MGA: variants seen among roughly 807,000 people sequenced by gnomAD.
The protein encoded by MGA is MAX dimerization protein MGA, also known as MAX gene-associated protein.
In MGA, 40 loss-of-function variants were observed where a neutral mutation model predicts 261.1. That is an observed-to-expected ratio of 0.15 (90% CI 0.12 to 0.20). The LOEUF (loss-of-function observed/expected upper bound fraction) is 0.20, where lower values mean the gene tolerates loss of function less well. Among genes scored for constraint, MGA ranks in the 10% least tolerant of loss-of-function variants. The pLI is 1.00. For missense variants in MGA, 3,397 were observed against 3,630.5 expected (o/e 0.94, Z 1.65); for synonymous variants, 1,302 against 1,290.6 (o/e 1.01, Z -0.19).
intron 2 of MGA, among the ~76,000 whole-genome samples, chr15:41,693,951 A>G (rs2059418021): frequency 6.6e-6 from 1 of 152,164 alleles, no homozygotes; most frequent in African/African-American, 2.4e-5. Flanking sequence ...CCCTCAAATC[A>G]CTGCCTTGCA....
At chr15:41,690,368 C>T (rs771669277) in intron 2 of MGA, among the ~76,000 whole-genome samples, 9 of 152,124 alleles carry the variant, frequency 5.9e-5, no homozygotes, top group South Asian at 4.1e-4. Flanking sequence ...TTGGCTGTTA[C>T]GAATAATGTT....
chr15:41,674,360 T>C (rs1037695881), intron 2 of MGA, among the ~76,000 whole-genome samples: 2 of 151,224 alleles, frequency 1.3e-5, no homozygotes, highest in Non-Finnish European at 2.9e-5. Flanking sequence ...CATGCCCGAC[T>C]AATTTTTTTG....
intron 1 of MGA, among the ~76,000 whole-genome samples, chr15:41,642,546 C>A (rs1360157364): frequency 6.6e-6 from 1 of 151,292 alleles, no homozygotes; most frequent in African/African-American, 2.4e-5. Flanking sequence ...TGCAGTGGTG[C>A]GATCTCAGCT....
chr15:41,650,610 G>T (rs1225262468), intron 1 of MGA, among the ~76,000 whole-genome samples: 1 of 151,850 alleles, frequency 6.6e-6, no homozygotes, highest in African/African-American at 2.4e-5. Context: ...GCCAACTTTT[G>T]TATTTTTAGT....
At position 41,750,391 on chromosome 15, in the gene MGA, A is replaced by G; in HGVS notation, c.6784A>G (p.Lys2262Glu). Residue 2262 changes from lysine to glutamate, a missense_variant, in exon 17 of 24, where the codon AAA becomes GAA. Lys to Glu is a moderately conservative substitution (Grantham distance 56). Transcript: ENST00000219905. ...CTCCATTGTTCCTAGGAGAGCTGCA[A>G]AAAGCAGCAGAGGGAATGGACATTT... The G allele has an allele frequency of 6.2e-7, 1 of 1,613,964 alleles. No individual in the cohort carries two copies. Among genetic ancestry groups the G allele is most frequent in the Non-Finnish European group, 8.5e-7 (1 of 1,179,862 alleles).
chr15:41,650,717 C>T (rs941281283), intron 1 of MGA, among the ~76,000 whole-genome samples: 1 of 152,174 alleles, frequency 6.6e-6, no homozygotes, highest in East Asian at 1.9e-4. Flanking sequence ...AGATTACAGG[C>T]GTGAGACACT....
chr15:41,674,544 G>C (rs1595665617), intron 2 of MGA, among the ~76,000 whole-genome samples: 1 of 151,492 alleles, frequency 6.6e-6, no homozygotes, highest in South Asian at 2.1e-4. Context: ...TTTTTAGACA[G>C]AGTCTTGCTG....
chr15:41,700,705 C>T (rs1395164083), intron 5 of MGA, among the ~76,000 whole-genome samples: 2 of 152,070 alleles, frequency 1.3e-5, no homozygotes, highest in African/African-American at 4.8e-5. Flanking sequence ...ATGATCACTA[C>T]CAATTTTCCT....
chr15:41,634,208 C>T (rs1052397462), intron 1 of MGA, among the ~76,000 whole-genome samples: 1 of 152,098 alleles, frequency 6.6e-6, no homozygotes, highest in Non-Finnish European at 1.5e-5. Context: ...TACTAAAATT[C>T]GAGTACCATG....
intron 2 of MGA, among the ~76,000 whole-genome samples, chr15:41,673,259 C>T (rs2058172681): frequency 2.6e-5 from 4 of 151,984 alleles, no homozygotes; most frequent in Non-Finnish European, 5.9e-5. Context: ...GCCCTGTTGC[C>T]CAGGCTGAAG....
chr15:41,695,049 A>G (rs568096359), intron 2 of MGA, among the ~76,000 whole-genome samples: 1 of 152,154 alleles, frequency 6.6e-6, no homozygotes, highest in Non-Finnish European at 1.5e-5. Context: ...AGTTTTTCTC[A>G]AAGCAGTTTT....
chr15:41,703,579 C>G lies in MGA; in HGVS notation c.2189-4149C>G, dbSNP rs530782148. Among the ~76,000 whole-genome samples, 169 of 152,156 alleles carry G rather than the reference C, an allele frequency of 1.1e-3. 7 individuals are homozygous for G. In the South Asian group the frequency reaches 0.033, roughly 29 times the overall value. On this transcript the variant is annotated intron_variant, in intron 5 of 23. Transcript: ENST00000219905. ...TCACTTAGATGAAACTCCATCTCTA[C>G]TAAAAATACAAAATTTACTGGGTGT... is the stretch of plus-strand genomic sequence containing the variant.
chr15:41,673,544 T>TC (rs1163383378), intron 2 of MGA, among the ~76,000 whole-genome samples: 1 of 138,442 alleles, frequency 7.2e-6, no homozygotes, highest in Non-Finnish European at 1.6e-5. Flanking sequence ...TTCTTTCTTT[T>TC]TTTTTTTTTT....
At chr15:41,759,435 A>AAT (rs950006707) in intron 19 of MGA, among the ~76,000 whole-genome samples, 1 of 145,340 alleles carries the variant, frequency 6.9e-6, no homozygotes, top group African/African-American at 2.6e-5. Flanking sequence ...TAAGCTTCTT[A>AAT]ATATGTGTGT....
chr15:41,651,960 T>C (rs1420524591), intron 1 of MGA, among the ~76,000 whole-genome samples: 12 of 10,326 alleles, frequency 1.2e-3, no homozygotes, highest in African/African-American at 2.0e-3. Flanking sequence ...TCCCCCCACC[T>C]TTTTTTTTTT....
At chr15:41,694,192 C>T (rs1019117977) in intron 2 of MGA, among the ~76,000 whole-genome samples, 6 of 151,836 alleles carry the variant, frequency 4.0e-5, no homozygotes, top group East Asian at 1.9e-4. Context: ...CTGAGGTGGG[C>T]GGATCACGAG....
intron 11 of MGA, among the ~76,000 whole-genome samples, chr15:41,733,228 A>T (rs2061602941): frequency 6.6e-6 from 1 of 152,092 alleles, no homozygotes; most frequent in South Asian, 2.1e-4. Context: ...AAAGTGCTGG[A>T]TTACAGGCGT....
intron 1 of MGA, among the ~76,000 whole-genome samples, chr15:41,648,627 T>C (rs913406113): frequency 6.6e-6 from 1 of 152,156 alleles, no homozygotes; most frequent in Non-Finnish European, 1.5e-5. Context: ...GCAAAGCGTT[T>C]CAGGCAAATA....
chr15:41,698,948 T>C lies in MGA; in HGVS notation c.2092+7T>C. 6.5e-7 allele frequency: 1 copy of C among 1,547,392 alleles called. No homozygotes were observed. Among genetic ancestry groups the C allele is most frequent in the South Asian group, 1.2e-5 (1 of 83,648 alleles). ...TCAACCACAAATGACTCAGGTATTA[T>C]AAAATAGTATAAAAAGAGTTGTATT... On this transcript the variant is annotated splice_region_variant and intron_variant, in intron 4 of 23. Transcript: ENST00000219905.
Sources: allele counts gnomAD v4.1 joint callset (sites outside exome capture counted in the v4.1 genomes callset), GRCh38; gene constraint gnomAD v4.1.1; transcripts MANE v1.5; gene names NCBI Gene and HGNC (gene_info 2026-07-23, HGNC 2026-07-21).